The following LARP4B variants were observed in gnomAD, a reference collection of about 807,000 sequenced individuals.
LARP4B encodes La ribonucleoprotein 4B, also known as la-related protein 4B.
Under a neutral mutation model 89.8 loss-of-function variants are expected in LARP4B, and 12 were observed. The ratio of observed to expected loss-of-function variants is 0.13; its 90% CI spans 0.09 to 0.22. The LOEUF is 0.22. Among genes scored for constraint, LARP4B ranks in the 10% least tolerant of loss-of-function variants. The pLI, the probability that LARP4B is intolerant of heterozygous loss-of-function variation, is 1.00. For synonymous variants in LARP4B, 367 were observed against 363.3 expected (o/e 1.01, Z -0.12); for missense variants, 757 against 947.7 (o/e 0.80, Z 2.64).
the LARP4B span, among the ~76,000 whole-genome samples, chr10:965,634 T>C: frequency 6.6e-6 from 1 of 151,968 alleles, no homozygotes; most frequent in African/African-American, 2.4e-5. Flanking sequence ...AGGTGCTGAT[T>C]AGTTACATAA....
intron 3 of LARP4B, among the ~76,000 whole-genome samples, chr10:867,993 C>T (rs1835003793): frequency 6.6e-6 from 1 of 151,692 alleles, no homozygotes; most frequent in Non-Finnish European, 1.5e-5. Context: ...AGCCACATTC[C>T]AAAGTGAACA....
chr10:919,417 G>A (rs1362914816), intron 1 of LARP4B, among the ~76,000 whole-genome samples: 1 of 151,940 alleles, frequency 6.6e-6, no homozygotes, highest in Non-Finnish European at 1.5e-5. Flanking sequence ...TGTTCTTCCT[G>A]TATTGGATGA....
intron 1 of LARP4B, among the ~76,000 whole-genome samples, chr10:921,141 T>C (rs12259720): frequency 0.19 from 28,464 of 151,638 alleles, 2,890 homozygotes; most frequent in Non-Finnish European, 0.23. Flanking sequence ...GGCGTGGTGG[T>C]GCATGCCTGT....
At chr10:944,220 T>C in the LARP4B span, among the ~76,000 whole-genome samples, 1 of 152,204 alleles carries the variant, frequency 6.6e-6, no homozygotes, top group Non-Finnish European at 1.5e-5. Flanking sequence ...TGGCTGTGTT[T>C]GTATCAAGTT....
the LARP4B span, among the ~76,000 whole-genome samples, chr10:958,969 C>T: frequency 0.083 from 12,709 of 152,232 alleles, 764 homozygotes; most frequent in Non-Finnish European, 0.13. Context: ...CAACTTCAGC[C>T]AGGATGGAGT....
At chr10:864,555 A>G (rs1042565173) in intron 3 of LARP4B, among the ~76,000 whole-genome samples, 1 of 152,208 alleles carries the variant, frequency 6.6e-6, no homozygotes, top group Non-Finnish European at 1.5e-5. Context: ...TTCACAAACT[A>G]TACCTGAGGA....
At chr10:829,089 C>T (rs922431419) in intron 11 of LARP4B, among the ~76,000 whole-genome samples, 4 of 152,228 alleles carry the variant, frequency 2.6e-5, no homozygotes, top group Non-Finnish European at 4.4e-5. Flanking sequence ...TTGCATTGTA[C>T]TCTGTGTAGG....
intron 3 of LARP4B, among the ~76,000 whole-genome samples, chr10:878,689 A>G (rs1398724239): frequency 2.0e-5 from 3 of 152,230 alleles, no homozygotes; most frequent in East Asian, 1.9e-4. Context: ...CTAGGAAGGC[A>G]GCCAGTTGCC....
At chr10:827,199 C>G (rs1832675585) in intron 11 of LARP4B, among the ~76,000 whole-genome samples, 1 of 152,104 alleles carries the variant, frequency 6.6e-6, no homozygotes, top group Admixed American at 6.5e-5. Context: ...TGGCGTGAAC[C>G]CGGGAGGCGG....
chr10:920,501 C>T (rs1391477019), intron 1 of LARP4B, among the ~76,000 whole-genome samples: 1 of 152,226 alleles, frequency 6.6e-6, no homozygotes, highest in African/African-American at 2.4e-5. Context: ...AGGCCAGACA[C>T]AGTGGCTCAG....
At position 825,260 on chromosome 10, in the gene LARP4B, C is replaced by G; in HGVS notation, c.1289G>C (p.Gly430Ala). 1 of 1,614,154 alleles carries G rather than the reference C, an allele frequency of 6.2e-7. No homozygotes were observed. Among genetic ancestry groups the G allele is most frequent in the African/African-American group, 1.3e-5 (1 of 75,056 alleles). The change falls in exon 13 of 18, where the codon GGG becomes GCG. Residue 430 changes from glycine to alanine, a missense_variant. Coordinates refer to ENST00000316157, the MANE Select transcript of LARP4B (RefSeq NM_015155.3). The stretch of plus-strand genomic sequence containing the variant: ...AAATATTGAAGGACTTTCTAATAAC[C>G]CAGGTCCCCTCTCTGCACTAGGAAT... ...HAIPSAERGP[G>A]LLESPSIFNF...
At chr10:983,202 T>C in the LARP4B span, among the ~76,000 whole-genome samples, 1 of 152,368 alleles carries the variant, frequency 6.6e-6, no homozygotes. Context: ...CAGTACTGTT[T>C]ACAGATAACT....
At chr10:813,929 G>A (rs1169150792) in intron 17 of LARP4B, among the ~76,000 whole-genome samples, 2 of 151,396 alleles carry the variant, frequency 1.3e-5, no homozygotes, top group Non-Finnish European at 2.9e-5. Context: ...AGCCTCCTGA[G>A]TAGCTGGGAC....
At chr10:834,970 G>A (rs926310089) in intron 8 of LARP4B, among the ~76,000 whole-genome samples, 3 of 151,370 alleles carry the variant, frequency 2.0e-5, no homozygotes, top group African/African-American at 4.9e-5. Flanking sequence ...AACCTGGGAG[G>A]TGGAGGTTGC....
rs1832555505 is a variant in LARP4B, at chr10:825,115, C to T, written c.1434G>A (p.Gly478=). The T allele has an allele frequency of 1.2e-6, 2 of 1,614,238 alleles. No homozygotes were observed. Among genetic ancestry groups the T allele is most frequent in the East Asian group, 2.2e-5 (1 of 44,892 alleles). The change falls in exon 13 of 18, where the codon GGG becomes GGA. Residue 478 remains glycine (G), a synonymous_variant. Coordinates refer to ENST00000316157, the MANE Select transcript of LARP4B (RefSeq NM_015155.3). ...SAYAKREAGP[G]RVEPGSLESS... ...ATTCGAGACTGCCTGGCTCCACACG[C>T]CCAGGCCCAGCCTCTCTCTTGGCAT...
chr10:840,757 A>G (rs945760118), intron 7 of LARP4B, among the ~76,000 whole-genome samples: 1 of 152,248 alleles, frequency 6.6e-6, no homozygotes, highest in South Asian at 2.1e-4. Context: ...AAAATCATTC[A>G]GACAATCTTG....
intron 1 of LARP4B, among the ~76,000 whole-genome samples, chr10:899,161 T>A (rs928502653): frequency 2.6e-5 from 4 of 152,224 alleles, no homozygotes; most frequent in African/African-American, 7.2e-5. Flanking sequence ...AAAACAGTGA[T>A]TTGATTCAAT....
the LARP4B span, chr10:985,299 CAT>C: frequency 6.6e-6 from 1 of 152,214 alleles, no homozygotes; most frequent in Non-Finnish European, 1.5e-5. Flanking sequence ...CTAATAAGAA[CAT>C]AGATAATACA....
chr10:853,046 A>AC (rs1469049523), intron 5 of LARP4B, among the ~76,000 whole-genome samples: 2 of 152,176 alleles, frequency 1.3e-5, no homozygotes, highest in African/African-American at 4.8e-5. Context: ...GATTCAGTGA[A>AC]CCCCCCAACA....
Sources: gnomAD v4.1 joint callset for allele counts (sites outside exome capture counted in the v4.1 genomes callset) on GRCh38, gnomAD v4.1.1 for gene constraint, MANE v1.5 for transcripts, NCBI Gene and HGNC (gene_info 2026-07-23, HGNC 2026-07-21) for gene names.